UBN2: variants seen among roughly 807,000 people sequenced by gnomAD.
The protein encoded by UBN2 is ubinuclein 2, also known as ubinuclein-2.
UBN2 carries 35 observed loss-of-function variants against 120.2 expected under a neutral mutation model. That is an observed-to-expected ratio of 0.29 (90% CI 0.22 to 0.39). The LOEUF (loss-of-function observed/expected upper bound fraction) is 0.39, where lower values mean the gene tolerates loss of function less well. Among genes scored for constraint, UBN2 ranks in the 10% least tolerant of loss-of-function variants. The pLI is 1.00. For synonymous variants in UBN2, 661 were observed against 648.7 expected (o/e 1.02, Z -0.29); for missense variants, 1,693 against 1,663.2 (o/e 1.02, Z -0.31).
At position 139,304,327 on chromosome 7, in the gene UBN2, G is replaced by A. The variant is rs554681025; in HGVS notation, c.*6491G>A. ...CACTTTCTAACTGGGTCGGGGTGGGGAAGGTCAGGGTAGAAGGAAACATGT... is the reference window on the plus strand; with the variant it reads ...CACTTTCTAACTGGGTCGGGGTGGGAAAGGTCAGGGTAGAAGGAAACATGT... On this transcript the variant is annotated 3_prime_UTR_variant, in exon 18 of 18. Transcript: ENST00000473989. 6.6e-6 allele frequency: 1 copy of A among 152,292 alleles called. No homozygotes were observed. Among genetic ancestry groups the A allele is most frequent in the Non-Finnish European group, 1.5e-5 (1 of 68,044 alleles). The allele number at this position is 152,292 out of a possible 1,614,324, so 9.4% of individuals were successfully genotyped here. A position where few individuals can be genotyped will look rare whatever the true frequency, so the allele number is the denominator to read the frequency against.
chr7:139,266,362 G>GA lies in UBN2; in HGVS notation c.1431dup (p.Phe478IlefsTer8). The GA allele has an allele frequency of 6.3e-7, 1 of 1,575,786 alleles. No homozygotes were observed. Among genetic ancestry groups the GA allele is most frequent in the Non-Finnish European group, 8.7e-7 (1 of 1,156,008 alleles). ...CCAAACTTTTTGATGAAGAAGGAAG[G>GA]AAAAAATTCTTTACACAGGATATGA... On this transcript the variant is annotated frameshift_variant, in exon 7 of 18. Transcript: ENST00000473989. LOFTEE classifies it high-confidence loss of function.
chr7:139,272,536 A>T, intron 9 of UBN2, 96 bp downstream of exon 9: 1 of 855,530 alleles, frequency 1.2e-6, no homozygotes, highest in Non-Finnish European at 1.8e-6. Context: ...GTATGTATGT[A>T]TGTATTTTGA....
rs1414432739 is a variant in UBN2 at position 139,304,035 on chromosome 7, T to C, written c.*6199T>C. On this transcript the variant is annotated 3_prime_UTR_variant, in exon 18 of 18. Coordinates refer to ENST00000473989, the MANE Select transcript of UBN2 (RefSeq NM_173569.4). ...CCATCTTCTCAGTCTAATTTCCTTT[T>C]ATTGCTTGTTTGAGGACGGATAGCT... 2 of 152,208 alleles carry C rather than the reference T, an allele frequency of 1.3e-5. No homozygotes were observed. The highest frequency in any genetic ancestry group is 2.9e-5 in the Non-Finnish European group (2 of 68,032). 9.4% of individuals were successfully genotyped at this position (152,208 alleles called of 1,614,324 possible).
intron 5 of UBN2, among the ~76,000 whole-genome samples, chr7:139,260,038 G>A (rs1404487614): frequency 1.3e-5 from 2 of 151,884 alleles, no homozygotes; most frequent in South Asian, 2.1e-4. Context: ...CAAAGTGCTC[G>A]GATTACAGAT....
chr7:139,316,393 G>A, the UBN2 span, among the ~76,000 whole-genome samples: 4 of 152,220 alleles, frequency 2.6e-5, no homozygotes, highest in East Asian at 1.9e-4. Context: ...TGAAAGTATC[G>A]TATCATCTTT....
chr7:139,288,877 C>T (rs890175762), intron 15 of UBN2, among the ~76,000 whole-genome samples: 8 of 151,488 alleles, frequency 5.3e-5, no homozygotes, highest in Non-Finnish European at 1.2e-4. Flanking sequence ...TGGCACGTGC[C>T]TGTAATCTCA....
At chr7:139,275,068 C>T (rs1328575694) in intron 11 of UBN2, among the ~76,000 whole-genome samples, 5 of 150,012 alleles carry the variant, frequency 3.3e-5, no homozygotes, top group Admixed American at 1.3e-4. Context: ...ACCTGAGGTC[C>T]GGAGTTCAAG....
rs775769958 is a variant in UBN2 at position 139,231,863 on chromosome 7, G to T, written c.379G>T (p.Val127Leu). 2 of 1,560,730 alleles carry T rather than the reference G, an allele frequency of 1.3e-6. No individual in the cohort carries two copies. Among genetic ancestry groups the T allele is most frequent in the Non-Finnish European group, 8.6e-7 (1 of 1,160,398 alleles). Residue 127 changes from valine to leucine, a missense_variant, in exon 1 of 18, where the codon GTG becomes TTG. Val to Leu is a conservative substitution (Grantham distance 32). Transcript: ENST00000473989. ...EQPPRPPRETVRLELVLKDPT... is the reference protein window; with the variant it reads ...EQPPRPPRETLRLELVLKDPT... The stretch of plus-strand genomic sequence containing the variant: ...GCCGCCGCGGCCGCCGAGGGAGACG[G>T]TGCGCCTGGAGCTGGTGCTTAAGGA...
chr7:139,274,698 G>A (rs2131014553), intron 11 of UBN2, among the ~76,000 whole-genome samples: 1 of 151,820 alleles, frequency 6.6e-6, no homozygotes, highest in East Asian at 1.9e-4. Context: ...AGAGGTGGAG[G>A]TTGTGGTGAG....
chr7:139,266,226 C>CAAAAAAAAA (rs377760158), intron 6 of UBN2, 107 bp from the exon 7 acceptor site: 1 of 312,422 alleles, frequency 3.2e-6, no homozygotes. Context: ...GGCCCTATCT[C>CAAAAAAAAA]AAAAAAAAAA....
chr7:139,324,831 T>C, the UBN2 span, among the ~76,000 whole-genome samples: 170 of 151,606 alleles, frequency 1.1e-3, 1 homozygote, highest in African/African-American at 4.0e-3. Flanking sequence ...ATTAGCCCGG[T>C]GCAGTGGTGG....
intron 2 of UBN2, among the ~76,000 whole-genome samples, chr7:139,249,067 A>G (rs1021429025): frequency 6.6e-6 from 1 of 151,806 alleles, no homozygotes; most frequent in African/African-American, 2.4e-5. Flanking sequence ...AAGGTTGCCA[A>G]CTGGCATTTC....
At position 139,284,112 on chromosome 7, in the gene UBN2, T is replaced by G. The variant is rs1797701072; in HGVS notation, c.3207T>G (p.Pro1069=). The part of the protein sequence containing the change: ...ASPKPSLSAK[P]SVSTKLISKS... ...CCAAGCCCTCTCTGTCAGCTAAGCC[T>G]TCAGTATCAACTAAACTTATTTCTA... The change falls in exon 15 of 18, where the codon CCT becomes CCG. Residue 1069 remains proline, a synonymous_variant. Transcript: ENST00000473989. 6.2e-7 allele frequency: 1 copy of G among 1,614,010 alleles called. No individual in the cohort carries two copies. The highest frequency in any genetic ancestry group is 1.6e-4 in the Middle Eastern group (1 of 6,084).
intron 2 of UBN2, among the ~76,000 whole-genome samples, chr7:139,245,797 G>C (rs1796454260): frequency 6.6e-6 from 1 of 152,232 alleles, no homozygotes; most frequent in African/African-American, 2.4e-5. Flanking sequence ...AGTAGCAGGA[G>C]ACTATCCCAG....
At chr7:139,251,112 A>G (rs1796613442) in intron 2 of UBN2, among the ~76,000 whole-genome samples, 1 of 152,182 alleles carries the variant, frequency 6.6e-6, no homozygotes, top group African/African-American at 2.4e-5. Flanking sequence ...CTCAAAAAAC[A>G]AACATGCAGT....
the UBN2 span, among the ~76,000 whole-genome samples, chr7:139,317,310 A>C: frequency 3.3e-5 from 5 of 152,022 alleles, no homozygotes; most frequent in South Asian, 4.2e-4. Context: ...AGTTGGAACT[A>C]TATGGTGCAT....
chr7:139,245,248 TATTCTTCAATGGCTATTAAC>T (rs1341902333), intron 2 of UBN2, among the ~76,000 whole-genome samples: 1 of 152,040 alleles, frequency 6.6e-6, no homozygotes, highest in Non-Finnish European at 1.5e-5. Context: ...CCTACCACAT[TATTCTTCAATGGCTATTAAC>T]ATTGAATGGA....
intron 7 of UBN2, 78 bp from the exon 8 acceptor site, chr7:139,269,316 T>A (rs1163845327): frequency 5.0e-6 from 7 of 1,395,898 alleles, no homozygotes; most frequent in African/African-American, 2.9e-5. Flanking sequence ...GAACAAGAAC[T>A]GGCTTTGCTT....
chr7:139,246,495 C>A (rs1406114334), intron 2 of UBN2, among the ~76,000 whole-genome samples: 2 of 152,116 alleles, frequency 1.3e-5, no homozygotes, highest in African/African-American at 2.4e-5. Flanking sequence ...ATCATGGCAA[C>A]AAAGATTTAT....
Sources: allele counts gnomAD v4.1 joint callset (sites outside exome capture counted in the v4.1 genomes callset), GRCh38; gene constraint gnomAD v4.1.1; transcripts MANE v1.5; gene names NCBI Gene and HGNC (gene_info 2026-07-23, HGNC 2026-07-21).